PDZD8: variants seen among roughly 807,000 people sequenced by gnomAD.
PDZD8 encodes the protein PDZ domain containing 8.
Under a neutral mutation model 85.8 loss-of-function variants are expected in PDZD8, and 14 were observed. That is an observed-to-expected ratio of 0.16 (90% CI 0.11 to 0.26). PDZD8 has a LOEUF of 0.26. Among genes scored for constraint, PDZD8 ranks in the 10% least tolerant of loss-of-function variants. The pLI is 1.00. For missense variants in PDZD8, 1,197 were observed against 1,424.3 expected, an observed-to-expected ratio of 0.84 and a Z score of 2.57; for synonymous variants, 592 against 568.6, an observed-to-expected ratio of 1.04 and a Z score of -0.59.
chr10:117,288,575 C>T (rs1844706583), intron 4 of PDZD8, among the ~76,000 whole-genome samples: 1 of 152,226 alleles, frequency 6.6e-6, no homozygotes, highest in East Asian at 1.9e-4. Context: ...ATGGTATGAT[C>T]TCAGCTCACT....
At chr10:117,346,232 CAAAAAAAAAA>C (rs59338641) in intron 1 of PDZD8, among the ~76,000 whole-genome samples, 2 of 63,660 alleles carry the variant, frequency 3.1e-5, no homozygotes, top group Non-Finnish European at 6.1e-5. Context: ...AAACTCCGTC[CAAAAAAAAAA>C]AAAAAAAAAC....
chr10:117,351,834 C>G (rs1274100757), intron 1 of PDZD8, among the ~76,000 whole-genome samples: 1 of 152,074 alleles, frequency 6.6e-6, no homozygotes, highest in African/African-American at 2.4e-5. Flanking sequence ...ACTACAGATG[C>G]AGGCTACCAC....
chr10:117,296,660 A>G (rs1367541990), intron 3 of PDZD8, among the ~76,000 whole-genome samples: 1 of 152,146 alleles, frequency 6.6e-6, no homozygotes, highest in African/African-American at 2.4e-5. Flanking sequence ...AACAACACTT[A>G]TATGGTCAAT....
chr10:117,375,024 C>T lies in PDZD8; in HGVS notation c.204G>A (p.Glu68=), dbSNP rs771201235. The T allele has an allele frequency of 1.3e-6, 2 of 1,588,400 alleles. No homozygotes were observed. Among genetic ancestry groups the T allele is most frequent in the Admixed American group, 1.7e-5 (1 of 57,234 alleles). Residue 68 remains glutamate, a synonymous_variant, in exon 1 of 5, where the codon GAG becomes GAA. Coordinates refer to ENST00000334464, the MANE Select transcript of PDZD8 (RefSeq NM_173791.5). ...EYLYGGGRDE[E]PSGAAPEGGA... is the part of the protein sequence containing the mutation. The stretch of plus-strand genomic sequence containing the variant: ...CGCCCTCAGGGGCCGCTCCGGAGGG[C>T]TCCTCATCCCGGCCGCCGCCATAAA...
chr10:117,319,019 T>C (rs1339998628), intron 2 of PDZD8, 45 bp from the exon 3 acceptor site: 1 of 1,298,936 alleles, frequency 7.7e-7, no homozygotes, highest in East Asian at 2.3e-5. Context: ...ACCTGTTATA[T>C]TCATTAAAAT....
At chr10:117,350,228 T>C (rs995267649) in intron 1 of PDZD8, among the ~76,000 whole-genome samples, 4 of 151,488 alleles carry the variant, frequency 2.6e-5, no homozygotes, top group Non-Finnish European at 4.4e-5. Flanking sequence ...AGAATCTAGG[T>C]AGTCTAGCTC....
intron 2 of PDZD8, among the ~76,000 whole-genome samples, chr10:117,337,968 G>A (rs1477478024): frequency 6.6e-6 from 1 of 152,040 alleles, no homozygotes; most frequent in Non-Finnish European, 1.5e-5. Context: ...TTTCTCTAGT[G>A]CCTCTTTTTG....
chr10:117,311,810 T>A lies in PDZD8; in HGVS notation c.1098+7062A>T, dbSNP rs111340866. ...GAGTAACAGTTCTAAGAAGTTACTA[T>A]CAACCTTTGGCTGGAAGGAAGGGCA... is the stretch of plus-strand genomic sequence containing the variant. On this transcript the variant is annotated intron_variant, in intron 3 of 4. Transcript: ENST00000334464. Among the ~76,000 whole-genome samples, 568 of 151,894 alleles carry A rather than the reference T, an allele frequency of 3.7e-3. 4 individuals carry two copies. The highest frequency in any genetic ancestry group is 0.013 in the African/African-American group (537 of 41,404).
rs1239509422 is a variant in PDZD8 at position 117,278,091 on chromosome 10, G to C, written c.*5177C>G. The C allele has an allele frequency of 6.6e-6, 1 of 152,136 alleles. No individual in the cohort carries two copies. Among genetic ancestry groups the C allele is most frequent in the Non-Finnish European group, 1.5e-5 (1 of 68,018 alleles). The allele number at this position is 152,136 out of a possible 1,614,324, so 9.4% of individuals were successfully genotyped here. A position where few individuals can be genotyped will look rare whatever the true frequency, so the allele number is the denominator to read the frequency against. On this transcript the variant is annotated 3_prime_UTR_variant, in exon 5 of 5. Coordinates refer to ENST00000334464, the MANE Select transcript of PDZD8 (RefSeq NM_173791.5). ...GGGTACATGTACCTTATACTGTCAA[G>C]GTTGTTTAAACATGATAAGGTTAAT...
intron 1 of PDZD8, among the ~76,000 whole-genome samples, chr10:117,366,068 C>T (rs1259234828): frequency 2.0e-5 from 3 of 151,900 alleles, no homozygotes; most frequent in African/African-American, 7.3e-5. Flanking sequence ...AAAAGACATA[C>T]ACTTCATAGG....
intron 1 of PDZD8, among the ~76,000 whole-genome samples, chr10:117,348,244 C>T (rs1814621173): frequency 6.6e-6 from 1 of 152,102 alleles, no homozygotes; most frequent in Admixed American, 6.5e-5. Context: ...AATGGCACAG[C>T]TTCGTTAAAA....
Position 117,280,606 on chromosome 10 carries a change from TTACTA to T in PDZD8, c.*2657_*2661del, listed in dbSNP as rs1319877003. On this transcript the variant is annotated 3_prime_UTR_variant, in exon 5 of 5. Coordinates refer to ENST00000334464, the MANE Select transcript of PDZD8 (RefSeq NM_173791.5). ...GCTTTTTTCATTGAAGCTTTGTACC[TTACTA>T]TACTCTAGGCTATTTGGAGTGTTCC... 2 of 152,198 alleles carry T rather than the reference TTACTA, an allele frequency of 1.3e-5. No homozygotes were observed. The highest frequency in any genetic ancestry group is 2.1e-4 in the South Asian group (1 of 4,832). The allele number at this position is 152,198 out of a possible 1,614,324, so 9.4% of individuals were successfully genotyped here. A position where few individuals can be genotyped will look rare whatever the true frequency, so the allele number is the denominator to read the frequency against.
In PDZD8 at chr10:117,317,601, G is replaced by A. The variant is rs1844151696; in HGVS notation, c.1098+1271C>T. ...AAATATAATAAAGGATATTGAAAATGCCAATAGCAATGGCAAGTTATGACC... is the reference window on the plus strand; with the variant it reads ...AAATATAATAAAGGATATTGAAAATACCAATAGCAATGGCAAGTTATGACC... On this transcript the variant is annotated intron_variant, in intron 3 of 4. Transcript: ENST00000334464. Among the ~76,000 whole-genome samples, 2 of 152,116 alleles carry A rather than the reference G, an allele frequency of 1.3e-5. 1 individual carries two copies. The highest frequency in any genetic ancestry group is 2.9e-5 in the Non-Finnish European group (2 of 68,012).
At chr10:117,366,664 T>C (rs1845096596) in intron 1 of PDZD8, among the ~76,000 whole-genome samples, 1 of 152,108 alleles carries the variant, frequency 6.6e-6, no homozygotes, top group Non-Finnish European at 1.5e-5. Flanking sequence ...GTAAAAACCA[T>C]TCTTAATGCA....
In PDZD8 at chr10:117,375,390, CCGAGCCCGCAGCG is replaced by C; in HGVS notation, c.-176_-164del. 2.6e-6 allele frequency: 1 copy of C among 379,586 alleles called. No homozygotes were observed. The highest frequency in any genetic ancestry group is 4.4e-6 in the Non-Finnish European group (1 of 225,352). 23.5% of individuals were successfully genotyped at this position (379,586 alleles called of 1,614,324 possible). On this transcript the variant is annotated 5_prime_UTR_variant, in exon 1 of 5. Coordinates refer to ENST00000334464, the MANE Select transcript of PDZD8 (RefSeq NM_173791.5). ...GGCTCGGGCCGGCGCGCTGCGGCGC[CCGAGCCCGCAGCG>C]GCCCGCGCCTCCTCAGACGCTCCCG...
chr10:117,285,357 T>C lies in PDZD8; in HGVS notation c.1376A>G (p.Gln459Arg), dbSNP rs775072386. 11 of 1,614,168 alleles carry C rather than the reference T, an allele frequency of 6.8e-6. No individual in the cohort carries two copies. Among genetic ancestry groups the C allele is most frequent in the Non-Finnish European group, 9.3e-6 (11 of 1,180,020 alleles). ...VGQSNQGAVLQDNFGQLEENF... is the reference protein window; with the variant it reads ...VGQSNQGAVLRDNFGQLEENF... ...TTCTTCCAACTGGCCAAAGTTATCT[T>C]GCAGCACTGCACCTTGATTACTCTG... is the stretch of plus-strand genomic sequence containing the variant. Residue 459 changes from glutamine (Q) to arginine (R), a missense_variant, in exon 5 of 5, where the codon CAA (glutamine) becomes CGA (arginine). Gln to Arg is a conservative substitution (Grantham distance 43, BLOSUM62 1). Around this residue, in one of 4 missense-constraint regions of PDZD8, gnomAD observed 263 missense variants for 261.9 expected, o/e 1.00. Transcript: ENST00000334464.
At chr10:117,349,346 T>C (rs1195115649) in intron 1 of PDZD8, among the ~76,000 whole-genome samples, 1 of 152,176 alleles carries the variant, frequency 6.6e-6, no homozygotes, top group Non-Finnish European at 1.5e-5. Flanking sequence ...GAAAAAAATA[T>C]TGCTTTGAAT....
intron 1 of PDZD8, among the ~76,000 whole-genome samples, chr10:117,367,441 A>G (rs994648838): frequency 7.2e-6 from 1 of 139,786 alleles, no homozygotes; most frequent in Non-Finnish European, 1.6e-5. Flanking sequence ...AACAAAAATT[A>G]TAGCCTCCTC....
intron 3 of PDZD8, among the ~76,000 whole-genome samples, chr10:117,292,304 A>G (rs951808678): frequency 6.6e-6 from 1 of 152,184 alleles, no homozygotes. Flanking sequence ...CTCCTAAGAC[A>G]TTTGTCCAAT....
Sources: allele counts gnomAD v4.1 joint callset (sites outside exome capture counted in the v4.1 genomes callset), GRCh38; gene constraint gnomAD v4.1.1; regional missense constraint gnomAD v4.1.1; transcripts MANE v1.5; gene names NCBI Gene and HGNC (gene_info 2026-07-23, HGNC 2026-07-21).